LPP: variants seen among roughly 807,000 people sequenced by gnomAD.
The protein encoded by LPP is lipoma-preferred partner.
A neutral mutation model predicts 60.4 loss-of-function variants in LPP; 38 were observed. The ratio of observed to expected loss-of-function variants is 0.63; its 90% CI spans 0.49 to 0.83. The LOEUF (loss-of-function observed/expected upper bound fraction) is 0.83, where lower values mean the gene tolerates loss of function less well. Among genes scored for constraint, LPP ranks in the 40% least tolerant of loss-of-function variants. LPP has a pLI of 0.00. For synonymous variants in LPP, 328 were observed against 290.8 expected, an observed-to-expected ratio of 1.13 and a Z score of -1.30; for missense variants, 902 against 783.6, an observed-to-expected ratio of 1.15 and a Z score of -1.80.
intron 6 of LPP, among the ~76,000 whole-genome samples, chr3:188,557,550 A>G (rs1017737483): frequency 6.6e-6 from 1 of 151,916 alleles, no homozygotes; most frequent in Admixed American, 6.6e-5. Flanking sequence ...AATATTTTCA[A>G]CTCCTTGGTT....
At chr3:188,586,197 A>G (rs1837402024) in intron 6 of LPP, among the ~76,000 whole-genome samples, 1 of 152,160 alleles carries the variant, frequency 6.6e-6, no homozygotes, top group Non-Finnish European at 1.5e-5. Flanking sequence ...CGTTGAGTGC[A>G]GTGTTTTTCA....
chr3:188,878,834 ATT>A lies in LPP; in HGVS notation c.*4357_*4358del, dbSNP rs1221735741. 4.9e-6 allele frequency: 1 copy of A among 204,076 alleles called. No homozygotes were observed. The highest frequency in any genetic ancestry group is 1.0e-5 in the Non-Finnish European group (1 of 99,836). 12.6% of individuals were successfully genotyped at this position (204,076 alleles called of 1,614,324 possible). A position where few individuals can be genotyped will look rare whatever the true frequency, so the allele number is the denominator to read the frequency against. ...TTTCATCTTAATATATTCTAGTAGT[ATT>A]TATTTTTTCCTTGTCTTGGAAGTAT... On this transcript the variant is annotated 3_prime_UTR_variant, in exon 12 of 12. Coordinates refer to ENST00000617246, the MANE Select transcript of LPP (RefSeq NM_001375462.1).
intron 2 of LPP, among the ~76,000 whole-genome samples, chr3:188,303,555 G>A (rs1750610620): frequency 1.3e-5 from 2 of 152,182 alleles, no homozygotes; most frequent in African/African-American, 4.8e-5. Context: ...AGTGTGGAGG[G>A]TCATGGAATC....
At chr3:188,337,014 T>C (rs1023376549) in intron 2 of LPP, among the ~76,000 whole-genome samples, 2 of 152,122 alleles carry the variant, frequency 1.3e-5, no homozygotes, top group Admixed American at 1.3e-4. Flanking sequence ...GAGTGGCCAA[T>C]GTACTGTTTT....
chr3:188,702,337 CTTCT>C (rs148444930), intron 7 of LPP, among the ~76,000 whole-genome samples: 12,471 of 148,588 alleles, frequency 0.084, 660 homozygotes, highest in Middle Eastern at 0.13. Flanking sequence ...TCTTCTTCTT[CTTCT>C]TTTTTTTTTT....
chr3:188,355,749 G>A (rs908586374), intron 3 of LPP, among the ~76,000 whole-genome samples: 2 of 152,126 alleles, frequency 1.3e-5, no homozygotes, highest in East Asian at 1.9e-4. Context: ...GTGTTCCCAC[G>A]TTGTAGAAAA....
chr3:188,252,075 T>TATAC (rs1233544060), intron 2 of LPP, among the ~76,000 whole-genome samples: 17 of 58,484 alleles, frequency 2.9e-4, no homozygotes, highest in African/African-American at 4.4e-4. Context: ...TATATATATA[T>TATAC]ACACACACAC....
chr3:188,333,088 C>T (rs905763131), intron 2 of LPP, among the ~76,000 whole-genome samples: 1 of 152,122 alleles, frequency 6.6e-6, no homozygotes, highest in African/African-American at 2.4e-5. Context: ...AATGTAAGTA[C>T]ATAAAAATAA....
chr3:188,854,209 A>G (rs1202398054), intron 9 of LPP, among the ~76,000 whole-genome samples: 1 of 152,146 alleles, frequency 6.6e-6, no homozygotes, highest in Non-Finnish European at 1.5e-5. Context: ...GGAAAACCCT[A>G]TACTCCCTGG....
chr3:188,314,117 G>A (rs992435153), intron 2 of LPP, among the ~76,000 whole-genome samples: 1 of 151,940 alleles, frequency 6.6e-6, no homozygotes, highest in Non-Finnish European at 1.5e-5. Context: ...TCTTCTAACT[G>A]TACTAATACC....
At chr3:188,523,689 G>A (rs189015533) in intron 5 of LPP, among the ~76,000 whole-genome samples, 18 of 152,094 alleles carry the variant, frequency 1.2e-4, no homozygotes, top group East Asian at 9.6e-4. Context: ...GATATTTTAC[G>A]TCCTTAGACA....
intron 2 of LPP, among the ~76,000 whole-genome samples, chr3:188,233,982 A>G (rs946120285): frequency 6.6e-6 from 1 of 151,918 alleles, no homozygotes; most frequent in African/African-American, 2.4e-5. Context: ...CCCCAATCCT[A>G]ACTTTTCTTC....
intron 7 of LPP, among the ~76,000 whole-genome samples, chr3:188,680,947 C>A (rs1859348319): frequency 6.6e-6 from 1 of 151,542 alleles, no homozygotes; most frequent in African/African-American, 2.4e-5. Context: ...AGTGAGAATG[C>A]AGCTCCAGCT....
At chr3:188,315,758 A>C (rs1263214142) in intron 2 of LPP, among the ~76,000 whole-genome samples, 1 of 152,178 alleles carries the variant, frequency 6.6e-6, no homozygotes, top group Non-Finnish European at 1.5e-5. Context: ...GAATAAATAA[A>C]TCTCCAGGGA....
chr3:188,808,195 T>G (rs1040207269), intron 9 of LPP, among the ~76,000 whole-genome samples: 1 of 152,192 alleles, frequency 6.6e-6, no homozygotes, highest in African/African-American at 2.4e-5. Context: ...TGCTCCACCC[T>G]CAGATTTAGA....
chr3:188,430,916 ACTTTTTTTTT>A (rs1203687265), intron 4 of LPP, among the ~76,000 whole-genome samples: 2 of 152,072 alleles, frequency 1.3e-5, no homozygotes, highest in African/African-American at 2.4e-5. Context: ...TACATAATTA[ACTTTTTTTTT>A]CTTTAGGATT....
chr3:188,465,413 A>G (rs1190060812), intron 4 of LPP, among the ~76,000 whole-genome samples: 2 of 152,200 alleles, frequency 1.3e-5, no homozygotes, highest in African/African-American at 2.4e-5. Context: ...GAATTGGACC[A>G]TCCTGATGTG....
At chr3:188,454,375 A>C (rs1481207330) in intron 4 of LPP, among the ~76,000 whole-genome samples, 1 of 152,106 alleles carries the variant, frequency 6.6e-6, no homozygotes, top group Non-Finnish European at 1.5e-5. Flanking sequence ...AACATATCTC[A>C]TTTCTATAGG....
At chr3:188,558,461 A>G (rs1829974861) in intron 6 of LPP, among the ~76,000 whole-genome samples, 1 of 151,912 alleles carries the variant, frequency 6.6e-6, no homozygotes, top group Non-Finnish European at 1.5e-5. Context: ...TCACATATAT[A>G]CCCTGTTATG....
Sources: gnomAD v4.1 joint callset for allele counts (sites outside exome capture counted in the v4.1 genomes callset) on GRCh38, gnomAD v4.1.1 for gene constraint, MANE v1.5 for transcripts, NCBI Gene and HGNC (gene_info 2026-07-23, HGNC 2026-07-21) for gene names.